The following FYB1 variants were observed in gnomAD, a reference collection of about 807,000 sequenced individuals.
FYB1 encodes FYN binding protein 1, also known as FYN-binding protein 1.
Under a neutral mutation model 94.1 loss-of-function variants are expected in FYB1, and 41 were observed. That is an observed-to-expected ratio of 0.44 (90% CI 0.34 to 0.57). The LOEUF is 0.57. Among genes scored for constraint, FYB1 ranks in the 20% least tolerant of loss-of-function variants. The pLI, the probability that FYB1 is intolerant of heterozygous loss-of-function variation, is 0.02. For missense variants in FYB1, 1,050 were observed against 976.8 expected, an observed-to-expected ratio of 1.07 and a Z score of -1.00; for synonymous variants, 367 against 353.2, an observed-to-expected ratio of 1.04 and a Z score of -0.44.
At chr5:39,247,218 A>C (rs1751521212) in intron 1 of FYB1, among the ~76,000 whole-genome samples, 1 of 150,894 alleles carries the variant, frequency 6.6e-6, no homozygotes, top group Non-Finnish European at 1.5e-5. Context: ...TGACTGGCAA[A>C]GTAGGTCATT....
intron 14 of FYB1, 146 bp downstream of exon 14, chr5:39,122,190 G>A: frequency 1.7e-6 from 1 of 588,726 alleles, no homozygotes; most frequent in Non-Finnish European, 3.1e-6. Flanking sequence ...AGCTGAGATT[G>A]GAAGGAAGCA....
chr5:39,243,377 G>A (rs376367918), intron 1 of FYB1, among the ~76,000 whole-genome samples: 1 of 151,428 alleles, frequency 6.6e-6, no homozygotes, highest in Non-Finnish European at 1.5e-5. Context: ...AGTTTTCCCA[G>A]CACCATTTAT....
intron 2 of FYB1, among the ~76,000 whole-genome samples, chr5:39,177,448 T>G (rs1352440188): frequency 1.1e-4 from 16 of 152,118 alleles, no homozygotes; most frequent in Admixed American, 9.2e-4. Context: ...TCAAAGAAGT[T>G]ATTTGTCCCA....
chr5:39,251,697 T>A (rs1198592100), intron 1 of FYB1, among the ~76,000 whole-genome samples: 2 of 152,086 alleles, frequency 1.3e-5, no homozygotes, highest in Admixed American at 6.5e-5. Flanking sequence ...AAGAACTAAG[T>A]AAAATTATTA....
chr5:39,159,960 C>G (rs1744099847), intron 2 of FYB1, among the ~76,000 whole-genome samples: 1 of 152,128 alleles, frequency 6.6e-6, no homozygotes, highest in Non-Finnish European at 1.5e-5. Context: ...ACCTCTTCCC[C>G]CACCCTAGAT....
chr5:39,127,840 A>C (rs1239000720), intron 10 of FYB1, 33 bp from the exon 11 acceptor site: 1 of 1,566,774 alleles, frequency 6.4e-7, no homozygotes, highest in Non-Finnish European at 8.6e-7. Context: ...TCTTCTGTTA[A>C]TTTTATAATT....
intron 1 of FYB1, among the ~76,000 whole-genome samples, chr5:39,231,962 A>AG (rs1373900479): frequency 6.6e-6 from 1 of 152,168 alleles, no homozygotes; most frequent in African/African-American, 2.4e-5. Flanking sequence ...CTTAAAAAAA[A>AG]GTGACTGGAA....
At chr5:39,245,408 C>T (rs1052443160) in intron 1 of FYB1, among the ~76,000 whole-genome samples, 3 of 152,112 alleles carry the variant, frequency 2.0e-5, no homozygotes, top group African/African-American at 7.2e-5. Context: ...TGGAGAATAA[C>T]ATAACAATTG....
At chr5:39,189,235 C>CAT (rs374849213) in intron 2 of FYB1, among the ~76,000 whole-genome samples, 19 of 136,974 alleles carry the variant, frequency 1.4e-4, no homozygotes, top group Non-Finnish European at 1.7e-4. Flanking sequence ...TATGGAATTC[C>CAT]TTTTTTTTTT....
intron 1 of FYB1, among the ~76,000 whole-genome samples, chr5:39,219,065 G>A (rs1468218267): frequency 6.6e-6 from 1 of 152,200 alleles, no homozygotes; most frequent in Non-Finnish European, 1.5e-5. Flanking sequence ...TTAGGAACCA[G>A]GATGAAATAA....
chr5:39,108,281 A>T lies in FYB1; in HGVS notation c.2436-19T>A, dbSNP rs758950252. 13 of 1,513,576 alleles carry T rather than the reference A, an allele frequency of 8.6e-6. No individual in the cohort carries two copies. Among genetic ancestry groups the T allele is most frequent in the South Asian group, 4.9e-5 (4 of 80,934 alleles). The allele number at this position is 1,513,576 out of a possible 1,614,324, so 93.8% of individuals were successfully genotyped here. Reference sequence around the variant, plus strand: ...TCCATCACTGTAAATGTAAAAAAAAATTTTTATTTTAAAGAAACTATGTTC... The same window carrying T: ...TCCATCACTGTAAATGTAAAAAAAATTTTTTATTTTAAAGAAACTATGTTC... On this transcript the variant is annotated intron_variant, in intron 17 of 18. Coordinates refer to ENST00000512982, the MANE Select transcript of FYB1 (RefSeq NM_001465.6).
In FYB1 at chr5:39,134,906, T is replaced by A. The variant is rs751867838; in HGVS notation, c.1624A>T (p.Ile542Phe). Reference sequence around the variant, plus strand: ...CATTTTCCTTCTGGGTTGTCTGTGATGCGGATGATTTCAATTTGCTCTCCT... The same window carrying A: ...CATTTTCCTTCTGGGTTGTCTGTGAAGCGGATGATTTCAATTTGCTCTCCT... ...KQGEQIEIIRITDNPEGKWLG... is the reference protein window; with the variant it reads ...KQGEQIEIIRFTDNPEGKWLG... Residue 542 changes from isoleucine to phenylalanine, a missense_variant, in exon 8 of 19, where the codon ATC (isoleucine) becomes TTC (phenylalanine). Physicochemically the swap from Ile to Phe is conservative, Grantham distance 21. Transcript: ENST00000512982. 1 of 1,613,976 alleles carries A rather than the reference T, an allele frequency of 6.2e-7. No homozygotes were observed.
intron 2 of FYB1, among the ~76,000 whole-genome samples, chr5:39,185,581 T>TATATACATATATATACATATATATACAC (rs1746681880): frequency 7.0e-6 from 1 of 142,132 alleles, no homozygotes; most frequent in South Asian, 2.1e-4. Context: ...TATATATACA[T>TATATACATATATATACATATATATACAC]ATATACATAT....
intron 2 of FYB1, chr5:39,169,615 C>A (rs1745063788): frequency 4.4e-6 from 2 of 449,588 alleles, no homozygotes. Flanking sequence ...GAGGCCGAGG[C>A]GGGTGGATTA....
intron 17 of FYB1, among the ~76,000 whole-genome samples, chr5:39,109,572 A>C (rs1738863040): frequency 6.6e-6 from 1 of 152,138 alleles, no homozygotes; most frequent in Non-Finnish European, 1.5e-5. Context: ...CTAGTTTGCC[A>C]GCAAAGCTCT....
At chr5:39,114,834 T>A (rs1227626345) in intron 16 of FYB1, among the ~76,000 whole-genome samples, 1 of 152,206 alleles carries the variant, frequency 6.6e-6, no homozygotes, top group Non-Finnish European at 1.5e-5. Context: ...TGTAACGTGC[T>A]GACATTACGA....
At chr5:39,129,572 G>A (rs756426181) in intron 10 of FYB1, among the ~76,000 whole-genome samples, 107 of 152,040 alleles carry the variant, frequency 7.0e-4, no homozygotes, top group Non-Finnish European at 1.4e-3. Context: ...CAAAAGGGAT[G>A]AGTATTCAGA....
chr5:39,196,825 C>T (rs1209584412), intron 2 of FYB1, among the ~76,000 whole-genome samples: 1 of 152,178 alleles, frequency 6.6e-6, no homozygotes, highest in Non-Finnish European at 1.5e-5. Context: ...TTGACCCCAG[C>T]CTTGTTTAGT....
chr5:39,134,956 C>G lies in FYB1; in HGVS notation c.1574G>C (p.Gly525Ala), dbSNP rs747774792. 4.3e-6 allele frequency: 7 copies of G among 1,613,914 alleles called. No homozygotes were observed. The highest frequency in any genetic ancestry group is 5.9e-6 in the Non-Finnish European group (7 of 1,179,864). The change falls in exon 8 of 19, where the codon GGA becomes GCA. Residue 525 changes from glycine (G) to alanine (A), a missense_variant. Gly to Ala is a moderately conservative substitution (Grantham distance 60, BLOSUM62 0). Coordinates refer to ENST00000512982, the MANE Select transcript of FYB1 (RefSeq NM_001465.6). ...LAKACCDVKG[G>A]KNELSFKQGE... ...TTGCTTGAAGCTCAGTTCATTCTTT[C>G]CTCCTTTGACATCACAACAAGCTTT...
Sources: allele counts gnomAD v4.1 joint callset (sites outside exome capture counted in the v4.1 genomes callset), GRCh38; gene constraint gnomAD v4.1.1; transcripts MANE v1.5; gene names NCBI Gene and HGNC (gene_info 2026-07-23, HGNC 2026-07-21).